PTK2: variants seen among roughly 807,000 people sequenced by gnomAD.
PTK2 encodes focal adhesion kinase 1.
PTK2 carries 45 observed loss-of-function variants against 150.1 expected under a neutral mutation model. The ratio of observed to expected loss-of-function variants is 0.30; its 90% CI spans 0.24 to 0.38. PTK2 has a LOEUF of 0.38. Ranked by LOEUF, PTK2 falls within the 10% of genes least tolerant of loss-of-function variation. The probability of loss-of-function intolerance (pLI) is 1.00; values close to 1 mark genes in which losing one functional copy is unlikely to be tolerated. For missense variants in PTK2, 919 were observed against 1,307.3 expected (o/e 0.70, Z 4.58); for synonymous variants, 432 against 449.2 (o/e 0.96, Z 0.48).
At chr8:140,898,810 T>C (rs191082982) in intron 2 of PTK2, among the ~76,000 whole-genome samples, 3 of 152,246 alleles carry the variant, frequency 2.0e-5, no homozygotes, top group Admixed American at 6.5e-5. Flanking sequence ...CTTGAGACAT[T>C]TGCTGAAGCT....
intron 4 of PTK2, among the ~76,000 whole-genome samples, chr8:140,871,343 A>G (rs1367101101): frequency 6.6e-6 from 1 of 152,246 alleles, no homozygotes; most frequent in Non-Finnish European, 1.5e-5. Context: ...AATTTCAACA[A>G]ATGTTTACAT....
At chr8:140,879,784 G>GA in intron 3 of PTK2, 147 bp from the exon 4 acceptor site, 1 of 625,748 alleles carries the variant, frequency 1.6e-6, no homozygotes, top group Non-Finnish European at 2.3e-6. Context: ...TCAATTATCA[G>GA]AAATCTTTGG....
rs189567846 is a variant in PTK2 at position 140,986,302 on chromosome 8, C to T, written c.-122+14823G>A. Among the ~76,000 whole-genome samples, 3 of 152,300 alleles carry T rather than the reference C, an allele frequency of 2.0e-5. No individual in the cohort carries two copies. In the East Asian group the frequency reaches 5.8e-4, roughly 29 times the overall value. ...CAAACATCAGGTTCAGGTCTAGACT[C>T]TGGAGTGAAATAAAAAAGAACGCGT... On this transcript the variant is annotated intron_variant, in intron 1 of 31. Transcript: ENST00000522684.
At chr8:140,751,909 A>G (rs1221782884) in intron 17 of PTK2, 1 of 537,752 alleles carries the variant, frequency 1.9e-6, no homozygotes, top group Admixed American at 1.9e-5. Flanking sequence ...TCACCTCTGC[A>G]TTCCTGGGGT....
chr8:140,844,600 G>A (rs534156142), intron 7 of PTK2, among the ~76,000 whole-genome samples: 2 of 152,126 alleles, frequency 1.3e-5, no homozygotes, highest in East Asian at 3.9e-4. Context: ...CAGCCCCATC[G>A]TTTTGCTTTT....
intron 20 of PTK2, among the ~76,000 whole-genome samples, chr8:140,741,914 G>C (rs781139628): frequency 6.6e-6 from 1 of 152,202 alleles, no homozygotes; most frequent in Non-Finnish European, 1.5e-5. Context: ...GGAGGCAGGA[G>C]AATAGCTTCA....
chr8:140,784,391 G>A (rs977748641), intron 14 of PTK2, among the ~76,000 whole-genome samples: 2 of 151,724 alleles, frequency 1.3e-5, no homozygotes, highest in African/African-American at 2.4e-5. Context: ...CATAATTAAG[G>A]TTTTACTGCT....
intron 1 of PTK2, among the ~76,000 whole-genome samples, chr8:140,945,974 T>C (rs945637223): frequency 6.6e-6 from 1 of 152,224 alleles, no homozygotes; most frequent in Non-Finnish European, 1.5e-5. Flanking sequence ...CTGTCTTACC[T>C]GTTCTCGCCT....
intron 3 of PTK2, among the ~76,000 whole-genome samples, chr8:140,884,023 C>T (rs2100150808): frequency 1.3e-5 from 2 of 152,004 alleles, no homozygotes; most frequent in African/African-American, 4.8e-5. Context: ...TGCATCTGAT[C>T]CTTCTTTCAT....
exon 24 of PTK2, chr8:140,706,151 G>C: frequency 6.2e-7 from 1 of 1,613,044 alleles, no homozygotes; most frequent in South Asian, 1.1e-5. Flanking sequence ...ATGTGCTGTG[G>C]GCTGGGATAA....
At chr8:140,865,344 G>A (rs2100138686) in intron 4 of PTK2, among the ~76,000 whole-genome samples, 1 of 152,168 alleles carries the variant, frequency 6.6e-6, no homozygotes, top group African/African-American at 2.4e-5. Flanking sequence ...GATTATAGGC[G>A]TGAGCCTCCA....
At chr8:140,747,891 T>C (rs1053845453) in intron 17 of PTK2, among the ~76,000 whole-genome samples, 1 of 152,078 alleles carries the variant, frequency 6.6e-6, no homozygotes, top group Non-Finnish European at 1.5e-5. Context: ...GGTTTTCCTC[T>C]AGAAATCTGG....
chr8:140,770,186 T>C (rs1594837304), intron 14 of PTK2, among the ~76,000 whole-genome samples: 1 of 152,334 alleles, frequency 6.6e-6, no homozygotes, highest in East Asian at 1.9e-4. Flanking sequence ...AAATTTTGTT[T>C]TGAATAGTCT....
chr8:140,803,738 C>A (rs559205231), intron 10 of PTK2, 88 bp from the exon 11 acceptor site: 20 of 1,207,706 alleles, frequency 1.7e-5, no homozygotes, highest in Admixed American at 1.7e-4. Context: ...TCCTCGTTGT[C>A]CTGAAGACAT....
At chr8:140,790,670 A>T (rs2100087899) in intron 13 of PTK2, among the ~76,000 whole-genome samples, 1 of 152,192 alleles carries the variant, frequency 6.6e-6, no homozygotes, top group African/African-American at 2.4e-5. Flanking sequence ...AAACTGTATA[A>T]TCTCTATAAT....
At chr8:140,927,973 AAAATAT>A (rs1354486566) in intron 1 of PTK2, among the ~76,000 whole-genome samples, 5 of 72,940 alleles carry the variant, frequency 6.9e-5, no homozygotes, top group Non-Finnish European at 1.2e-4. Context: ...AAAAAAAAAA[AAAATAT>A]ATATATATAT....
intron 14 of PTK2, among the ~76,000 whole-genome samples, chr8:140,774,540 G>T (rs2100077326): frequency 1.3e-5 from 2 of 152,132 alleles, no homozygotes; most frequent in African/African-American, 2.4e-5. Context: ...ATTATCAGAG[G>T]CATCCGACCC....
At chr8:140,885,613 G>T (rs1260574235) in intron 3 of PTK2, among the ~76,000 whole-genome samples, 1 of 152,182 alleles carries the variant, frequency 6.6e-6, no homozygotes, top group South Asian at 2.1e-4. Context: ...GAGTTAGTAA[G>T]GGCAGGGTGA....
chr8:140,721,025 G>A (rs2100042630), intron 22 of PTK2, among the ~76,000 whole-genome samples: 1 of 152,016 alleles, frequency 6.6e-6, no homozygotes. Context: ...CCAAAGTGCT[G>A]GGATTATAGG....
Sources: allele counts gnomAD v4.1 joint callset (sites outside exome capture counted in the v4.1 genomes callset), GRCh38; gene constraint gnomAD v4.1.1; transcripts MANE v1.5; gene names NCBI Gene and HGNC (gene_info 2026-07-23, HGNC 2026-07-21).